DHRS3: variants seen among roughly 807,000 people sequenced by gnomAD.
DHRS3 encodes dehydrogenase/reductase 3, also known as short-chain dehydrogenase/reductase 3.
A neutral mutation model predicts 27.2 loss-of-function variants in DHRS3; 14 were observed. The observed-to-expected ratio is 0.52, with a 90% CI of 0.34 to 0.81. DHRS3 has a LOEUF of 0.81. DHRS3 is among the 30% of genes least tolerant of loss of function. The pLI is 0.01. For missense variants in DHRS3, 322 were observed against 406.2 expected, an observed-to-expected ratio of 0.79 and a Z score of 1.78; for synonymous variants, 165 against 175.9, an observed-to-expected ratio of 0.94 and a Z score of 0.49.
Position 12,608,447 on chromosome 1 carries a change from A to G in DHRS3, c.195+8707T>C, listed in dbSNP as rs772015320. Among the ~76,000 whole-genome samples, 2 of 152,142 alleles carry G rather than the reference A, an allele frequency of 1.3e-5. No homozygotes were observed. The highest frequency in any genetic ancestry group is 2.9e-5 in the Non-Finnish European group (2 of 68,016). ...CTCCCCAGCACCCTGGAAAGCCTGGACAAAGGAATGACATCACTGCTGGAG... is the reference window on the plus strand; with the variant it reads ...CTCCCCAGCACCCTGGAAAGCCTGGGCAAAGGAATGACATCACTGCTGGAG... On this transcript the variant is annotated intron_variant, in intron 1 of 5. Coordinates refer to ENST00000616661, the MANE Select transcript of DHRS3 (RefSeq NM_004753.7). This position sits in a 1 kb window ranked among gnomAD's most constrained non-coding sequence, Gnocchi z 4.1.
intron 1 of DHRS3, among the ~76,000 whole-genome samples, chr1:12,595,355 A>G (rs1294758445): frequency 7.0e-6 from 1 of 142,898 alleles, no homozygotes; most frequent in African/African-American, 2.5e-5. Context: ...CGGGTCGGGC[A>G]GGAGGCTCCA....
intron 1 of DHRS3, among the ~76,000 whole-genome samples, chr1:12,587,378 A>C (rs906653103): frequency 6.6e-6 from 1 of 151,942 alleles, no homozygotes; most frequent in African/African-American, 2.4e-5. Context: ...CCTGGGGCTC[A>C]AGTGATTCTC....
In DHRS3 at chr1:12,594,168, T is replaced by G. The variant is rs1646769651; in HGVS notation, c.196-13502A>C. Among the ~76,000 whole-genome samples the G allele has an allele frequency of 6.6e-6, 1 of 151,820 alleles. No homozygotes were observed. The highest frequency in any genetic ancestry group is 2.1e-4 in the South Asian group (1 of 4,808). ...ATCTCCAGATTACTGTCCACCGGGG[T>G]GGGATTCAAATTTGGACAGTCTAAG... On this transcript the variant is annotated intron_variant, in intron 1 of 5. Coordinates refer to ENST00000616661, the MANE Select transcript of DHRS3 (RefSeq NM_004753.7). The surrounding 1 kb of genome is among the most constrained non-coding windows in gnomAD (Gnocchi z 4.1).
In DHRS3 at chr1:12,592,038, G is replaced by C. The variant is rs901010386; in HGVS notation, c.196-11372C>G. Among the ~76,000 whole-genome samples, 5 of 152,188 alleles carry C rather than the reference G, an allele frequency of 3.3e-5. No homozygotes were observed. The highest frequency in any genetic ancestry group is 4.8e-5 in the African/African-American group (2 of 41,440). On this transcript the variant is annotated intron_variant, in intron 1 of 5. Coordinates refer to ENST00000616661, the MANE Select transcript of DHRS3 (RefSeq NM_004753.7). This position sits in a 1 kb window ranked among gnomAD's most constrained non-coding sequence, Gnocchi z 4.2. The stretch of plus-strand genomic sequence containing the variant: ...GAGGACAGAAGCTGTTCTGAGCATG[G>C]GTCAGCACAGTGCCCAGGGCTGGTG...
chr1:12,589,840 CATTATTATTATT>C (rs150189606), intron 1 of DHRS3, among the ~76,000 whole-genome samples: 37 of 149,252 alleles, frequency 2.5e-4, no homozygotes, highest in Admixed American at 6.7e-4. Flanking sequence ...AGCTAGCTGT[CATTATTATTATT>C]ATTATTATTA....
rs570775302 is a variant in DHRS3 at position 12,574,047 on chromosome 1, A to C, written c.699-1194T>G. Among the ~76,000 whole-genome samples the C allele has an allele frequency of 3.9e-5, 6 of 152,356 alleles. No homozygotes were observed. The South Asian group carries it at 1.2e-3, about 32-fold the overall frequency. ...GAAGATTAAGGGTGATGAATCACCC[A>C]GGTTTGATGTCATTCCTCAGCAACA... is the stretch of plus-strand genomic sequence containing the variant. On this transcript the variant is annotated intron_variant, in intron 4 of 5. Transcript: ENST00000616661. The surrounding 1 kb of genome is among the most constrained non-coding windows in gnomAD (Gnocchi z 4.6).
intron 1 of DHRS3, among the ~76,000 whole-genome samples, chr1:12,581,542 A>G (rs1013949033): frequency 8.5e-5 from 13 of 152,206 alleles, no homozygotes; most frequent in African/African-American, 3.1e-4. Context: ...CCGGCAGGTA[A>G]CAAACATGGA....
At chr1:12,610,085 T>C (rs1375294184) in intron 1 of DHRS3, among the ~76,000 whole-genome samples, 1 of 152,108 alleles carries the variant, frequency 6.6e-6, no homozygotes, top group Non-Finnish European at 1.5e-5. Context: ...TTTATTTATT[T>C]ATTTATTTTT....
chr1:12,589,710 A>G (rs1251321598), intron 1 of DHRS3, among the ~76,000 whole-genome samples: 1 of 152,168 alleles, frequency 6.6e-6, no homozygotes, highest in East Asian at 1.9e-4. Flanking sequence ...TGGGCTGGAT[A>G]TGTTGGCTCA....
At chr1:12,583,203 T>C (rs1167977722) in intron 1 of DHRS3, among the ~76,000 whole-genome samples, 10 of 134,594 alleles carry the variant, frequency 7.4e-5, no homozygotes, top group African/African-American at 2.8e-4. Context: ...TCTCCACCCA[T>C]CCATCCATCT....
intron 1 of DHRS3, among the ~76,000 whole-genome samples, chr1:12,612,932 C>T (rs535556659): frequency 3.0e-4 from 45 of 152,118 alleles, no homozygotes; most frequent in Admixed American, 2.0e-3. Context: ...GTGGCACGCA[C>T]GCCTGTAATC....
At chr1:12,603,631 A>C (rs969017785) in intron 1 of DHRS3, among the ~76,000 whole-genome samples, 5 of 152,104 alleles carry the variant, frequency 3.3e-5, no homozygotes, top group African/African-American at 9.7e-5. Flanking sequence ...GGAGGCTGGT[A>C]GAAGTGGTTG....
rs1447250948 is a variant in DHRS3 at position 12,574,345 on chromosome 1, ATT to A, written c.699-1494_699-1493del. 6.6e-6 allele frequency among the ~76,000 whole-genome samples: 1 copy of A among 151,936 alleles called. No individual in the cohort carries two copies. The highest frequency in any genetic ancestry group is 2.4e-5 in the African/African-American group (1 of 41,454). On this transcript the variant is annotated intron_variant, in intron 4 of 5. Coordinates refer to ENST00000616661, the MANE Select transcript of DHRS3 (RefSeq NM_004753.7). The surrounding 1 kb of genome is among the most constrained non-coding windows in gnomAD (Gnocchi z 4.6). ...CACACCATGCCCAGATAATTTTTAT[ATT>A]TTTTGTAGAGATGGGGTTTTGCCAT...
At chr1:12,568,770 T>G (rs1486298097) in intron 5 of DHRS3, among the ~76,000 whole-genome samples, 1 of 151,766 alleles carries the variant, frequency 6.6e-6, no homozygotes, top group Non-Finnish European at 1.5e-5. Context: ...TACAAAAATA[T>G]ACAAAAATTA....
chr1:12,609,206 C>T (rs941643012), intron 1 of DHRS3, among the ~76,000 whole-genome samples: 4 of 152,188 alleles, frequency 2.6e-5, no homozygotes, highest in African/African-American at 9.7e-5. Flanking sequence ...CTAAGTGTCA[C>T]AAGGAGAGAA....
chr1:12,612,919 A>G (rs1242793444), intron 1 of DHRS3, among the ~76,000 whole-genome samples: 1 of 152,100 alleles, frequency 6.6e-6, no homozygotes, highest in African/African-American at 2.4e-5. Flanking sequence ...TGAGTTGGGC[A>G]TGGTGGCACG....
chr1:12,593,362 A>G lies in DHRS3; in HGVS notation c.196-12696T>C, dbSNP rs550551829. On this transcript the variant is annotated intron_variant, in intron 1 of 5. Coordinates refer to ENST00000616661, the MANE Select transcript of DHRS3 (RefSeq NM_004753.7). The surrounding 1 kb of genome is among the most constrained non-coding windows in gnomAD (Gnocchi z 4.6). ...GGGCACCCTCTTTTCTTTTTAAAAA[A>G]TTATTATGATTATTATTATTTGTAG... Among the ~76,000 whole-genome samples the G allele has an allele frequency of 2.0e-3, 302 of 152,180 alleles. 1 individual carries two copies. Among genetic ancestry groups the G allele is most frequent in the African/African-American group, 6.9e-3 (287 of 41,538 alleles).
At position 12,574,701 on chromosome 1, in the gene DHRS3, C is replaced by T. The variant is rs1012046436; in HGVS notation, c.699-1848G>A. Among the ~76,000 whole-genome samples the T allele has an allele frequency of 6.6e-6, 1 of 152,214 alleles. No individual in the cohort carries two copies. Among genetic ancestry groups the T allele is most frequent in the African/African-American group, 2.4e-5 (1 of 41,460 alleles). ...TTGACGGGAATCCTTCTTGGTAAGA[C>T]CCCTGCCAGGGAAGCCGACAGAGGA... is the stretch of plus-strand genomic sequence containing the variant. On this transcript the variant is annotated intron_variant, in intron 4 of 5. Coordinates refer to ENST00000616661, the MANE Select transcript of DHRS3 (RefSeq NM_004753.7). The surrounding 1 kb of genome is among the most constrained non-coding windows in gnomAD (Gnocchi z 4.6).
At chr1:12,601,141 G>A (rs1413673066) in intron 1 of DHRS3, among the ~76,000 whole-genome samples, 34 of 152,016 alleles carry the variant, frequency 2.2e-4, no homozygotes, top group Admixed American at 2.2e-3. Context: ...ACAAGAAGGT[G>A]TACTGGACCC....
Sources: allele counts gnomAD v4.1 joint callset (sites outside exome capture counted in the v4.1 genomes callset), GRCh38; gene constraint gnomAD v4.1.1; non-coding constraint Gnocchi (gnomAD v3.1); transcripts MANE v1.5; gene names NCBI Gene and HGNC (gene_info 2026-07-23, HGNC 2026-07-21).